KTN1: variants seen among roughly 807,000 people sequenced by gnomAD.
KTN1 encodes the protein kinectin 1.
In KTN1, 130 loss-of-function variants were observed where a neutral mutation model predicts 222.5. That is an observed-to-expected ratio of 0.58 (90% CI 0.51 to 0.68). The LOEUF (loss-of-function observed/expected upper bound fraction) is 0.68. Ranked by LOEUF, KTN1 falls within the 30% of genes least tolerant of loss-of-function variation. The pLI is 0.00. For synonymous variants in KTN1, 512 were observed against 496.3 expected (o/e 1.03, Z -0.42); for missense variants, 1,508 against 1,500.4 (o/e 1.01, Z -0.08).
intron 5 of KTN1, 108 bp downstream of exon 5, chr14:55,619,420 A>C: frequency 3.7e-5 from 36 of 978,410 alleles, no homozygotes; most frequent in Non-Finnish European, 4.9e-5. Flanking sequence ...TTAACATCTC[A>C]GAACATACAT....
At chr14:55,616,711 C>A (rs777723773) in intron 3 of KTN1, 57 bp downstream of exon 3, 154 of 1,423,626 alleles carry the variant, frequency 1.1e-4, no homozygotes, top group Non-Finnish European at 1.5e-4. Context: ...TACACCAGCA[C>A]AAGGACCCTG....
intron 1 of KTN1, among the ~76,000 whole-genome samples, chr14:55,588,967 A>G (rs1566653757): frequency 6.6e-6 from 1 of 151,548 alleles, no homozygotes; most frequent in Non-Finnish European, 1.5e-5. Flanking sequence ...ATTTTCCAAT[A>G]TAGTTACCGA....
At chr14:55,581,251 G>GC (rs1260093739) in intron 1 of KTN1, among the ~76,000 whole-genome samples, 2 of 152,176 alleles carry the variant, frequency 1.3e-5, no homozygotes, top group African/African-American at 4.8e-5. Context: ...CCGGACGCGG[G>GC]CAGCGGCGTC....
At chr14:55,584,639 T>C (rs1351704633) in intron 1 of KTN1, among the ~76,000 whole-genome samples, 2 of 152,238 alleles carry the variant, frequency 1.3e-5, no homozygotes, top group African/African-American at 4.8e-5. Flanking sequence ...TGCTCCGTTT[T>C]CTTTATAGCA....
intron 6 of KTN1, among the ~76,000 whole-genome samples, chr14:55,629,234 G>T (rs2040219276): frequency 1.3e-5 from 2 of 151,886 alleles, no homozygotes; most frequent in Non-Finnish European, 2.9e-5. Context: ...GGCTAACAGG[G>T]TGAAACCCCG....
chr14:55,656,783 C>A (rs550283805), intron 29 of KTN1, among the ~76,000 whole-genome samples: 49 of 151,978 alleles, frequency 3.2e-4, no homozygotes, highest in Non-Finnish European at 4.3e-4. Flanking sequence ...ATTTATATAA[C>A]CAATTCCAGT....
chr14:55,597,953 A>C (rs2035324921), intron 1 of KTN1, among the ~76,000 whole-genome samples: 1 of 152,186 alleles, frequency 6.6e-6, no homozygotes, highest in Admixed American at 6.5e-5. Flanking sequence ...GGCTTTCACC[A>C]TTTAATTGGT....
intron 25 of KTN1, 34 bp from the exon 26 acceptor site, chr14:55,652,816 T>A (rs747960132): frequency 9.5e-6 from 14 of 1,469,826 alleles, no homozygotes; most frequent in Non-Finnish European, 1.3e-5. Flanking sequence ...TCATGTAACA[T>A]TTTCATTTAG....
chr14:55,627,943 A>C lies in KTN1; in HGVS notation c.995A>C (p.His332Pro). 1.2e-6 allele frequency: 2 copies of C among 1,613,294 alleles called. No individual in the cohort carries two copies. Among genetic ancestry groups the C allele is most frequent in the Non-Finnish European group, 1.7e-6 (2 of 1,179,288 alleles). ...AAGGGAGAATTGACTACGCTTATAC[A>C]TCAGCTTCAAGAAAAGGACAAGTTA... ...SSKGELTTLI[H>P]QLQEKDKLLA... The change falls in exon 6 of 44, where the codon CAT (histidine) becomes CCT (proline). Residue 332 changes from histidine to proline, a missense_variant. Coordinates refer to ENST00000395314, the MANE Select transcript of KTN1 (RefSeq NM_001079521.2).
intron 1 of KTN1, among the ~76,000 whole-genome samples, chr14:55,582,577 T>C (rs1203233928): frequency 6.6e-6 from 1 of 152,186 alleles, no homozygotes; most frequent in East Asian, 1.9e-4. Context: ...AAAAGTTGAA[T>C]GTGTCTTATA....
At chr14:55,661,442 G>A (rs1472853865) in intron 31 of KTN1, 80 bp from the exon 32 acceptor site, 6 of 736,016 alleles carry the variant, frequency 8.2e-6, no homozygotes, top group Non-Finnish European at 1.2e-5. Context: ...TTTTGTAATA[G>A]CAAATGTTGA....
chr14:55,661,248 A>G, intron 31 of KTN1: 1 of 255,536 alleles, frequency 3.9e-6, no homozygotes, highest in Middle Eastern at 1.2e-3. Flanking sequence ...ACAACAGTTC[A>G]TATCTTCATA....
At chr14:55,649,740 A>G in intron 21 of KTN1, 36 bp from the exon 22 acceptor site, 2 of 1,294,172 alleles carry the variant, frequency 1.5e-6, no homozygotes, top group Non-Finnish European at 2.2e-6. Context: ...TTCTATTTTG[A>G]ACAAATTACT....
At chr14:55,624,483 G>C (rs1181579031) in intron 5 of KTN1, among the ~76,000 whole-genome samples, 2 of 152,206 alleles carry the variant, frequency 1.3e-5, no homozygotes, top group Non-Finnish European at 2.9e-5. Context: ...AGAAATTTCA[G>C]AAAGCTGTTT....
chr14:55,601,712 A>G (rs992474564), intron 1 of KTN1: 11 of 151,952 alleles, frequency 7.2e-5, no homozygotes, highest in African/African-American at 1.9e-4. Context: ...AAATGAGCCT[A>G]TTTTCTTGTG....
At chr14:55,631,341 GATATATATATATAT>G (rs56190231) in intron 7 of KTN1, among the ~76,000 whole-genome samples, 1,409 of 114,708 alleles carry the variant, frequency 0.012, 47 homozygotes, top group African/African-American at 0.035. Context: ...TGATAAGGTT[GATATATATATATAT>G]ATATATATAT....
chr14:55,616,129 C>T (rs1056531098), intron 2 of KTN1, among the ~76,000 whole-genome samples: 3 of 151,944 alleles, frequency 2.0e-5, no homozygotes, highest in African/African-American at 7.3e-5. Context: ...TGAGGTTTCA[C>T]CACTTTGCCC....
rs111938411 is a variant in KTN1, at chr14:55,653,100, A to C, written c.2763+15A>C. Reference sequence around the variant, plus strand: ...ACTTGAAAGAGGTATAGTATAAACAAATTACCAACATGTTACATAAGGAAT... The same window carrying C: ...ACTTGAAAGAGGTATAGTATAAACACATTACCAACATGTTACATAAGGAAT... On this transcript the variant is annotated intron_variant, in intron 27 of 43. Transcript: ENST00000395314. The C allele has an allele frequency of 6.9e-7, 1 of 1,449,324 alleles. No homozygotes were observed. The highest frequency in any genetic ancestry group is 1.4e-5 in the African/African-American group (1 of 71,180). 89.8% of individuals were successfully genotyped at this position (1,449,324 alleles called of 1,614,324 possible).
intron 1 of KTN1, among the ~76,000 whole-genome samples, chr14:55,581,035 C>T (rs1050834046): frequency 1.3e-5 from 2 of 152,258 alleles, no homozygotes; most frequent in African/African-American, 2.4e-5. Flanking sequence ...GAAGTTATCC[C>T]TTCCTGTCCC....
Sources: gnomAD v4.1 joint callset for allele counts (sites outside exome capture counted in the v4.1 genomes callset) on GRCh38, gnomAD v4.1.1 for gene constraint, MANE v1.5 for transcripts, NCBI Gene and HGNC (gene_info 2026-07-23, HGNC 2026-07-21) for gene names.